Variants in CD81 observed in about 807,000 individuals in gnomAD.
CD81 encodes the protein CD81 molecule.
In CD81, 10 loss-of-function variants were observed where a neutral mutation model predicts 30.1. The ratio of observed to expected loss-of-function variants is 0.33; its 90% confidence interval spans 0.21 to 0.56. CD81 has a LOEUF of 0.56. CD81 is among the 20% of genes least tolerant of loss of function. CD81 has a pLI of 0.89. For missense variants in CD81, 263 were observed against 308.7 expected (o/e 0.85, Z 1.11); for synonymous variants, 147 against 126.4 (o/e 1.16, Z -1.10).
At chr11:2,382,647 TG>T (rs1051740557) in intron 1 of CD81, 4 of 152,248 alleles carry the variant, frequency 2.6e-5, no homozygotes, top group African/African-American at 9.7e-5. Context: ...GTGGGCAGCC[TG>T]GGGTCCTCAC....
intron 1 of CD81, among the ~76,000 whole-genome samples, chr11:2,382,888 T>C (rs1323913387): frequency 6.6e-6 from 1 of 150,840 alleles, no homozygotes; most frequent in East Asian, 1.9e-4. Flanking sequence ...TCCGAGGGGC[T>C]TAGAGTAGGG....
At chr11:2,392,542 G>A (rs1849917587) in intron 2 of CD81, 7 of 152,344 alleles carry the variant, frequency 4.6e-5, no homozygotes, top group Admixed American at 4.6e-4. Context: ...CCGTTGTGTT[G>A]GCCACACGAC....
chr11:2,394,255 G>C, intron 3 of CD81, 63 bp downstream of exon 3: 1 of 1,127,808 alleles, frequency 8.9e-7, no homozygotes, highest in Non-Finnish European at 1.3e-6. Context: ...GTCTGGCCCT[G>C]AGGAGGGGGC....
intron 1 of CD81, among the ~76,000 whole-genome samples, chr11:2,379,870 G>A (rs956221601): frequency 3.6e-4 from 55 of 152,168 alleles, no homozygotes; most frequent in African/African-American, 1.3e-3. Context: ...TGGGTGAGGT[G>A]GGGTTGGTGG....
In CD81 at chr11:2,394,186, G is replaced by A. The variant is rs372129042; in HGVS notation, c.273G>A (p.Leu91=). Residue 91 remains leucine, a synonymous_variant, in exon 3 of 8, where the codon CTG becomes CTA. Transcript: ENST00000263645. The stretch of plus-strand genomic sequence containing the variant: ...CCATCCAGGAATCCCAGTGCCTGCT[G>A]GGGACGGTAAGGCAGGGAGGCGGGC... The part of the protein sequence containing the change: ...YGAIQESQCL[L]GTFFTCLVIL... The A allele has an allele frequency of 4.4e-4, 705 of 1,609,126 alleles. 2 individuals carry two copies. The highest frequency in any genetic ancestry group is 5.6e-4 in the Non-Finnish European group (655 of 1,176,996).
At chr11:2,376,570 T>G (rs943007624), upstream of CD81, among the ~76,000 whole-genome samples, 3 of 152,176 alleles carry the variant, frequency 2.0e-5, no homozygotes, top group Non-Finnish European at 1.5e-5. Flanking sequence ...GAGGCTGGCA[T>G]CCCTGGGGCA....
chr11:2,396,552 C>T (rs1391165644), intron 6 of CD81, 76 bp from the exon 7 acceptor site: 16 of 1,242,920 alleles, frequency 1.3e-5, no homozygotes, highest in South Asian at 3.6e-5. Context: ...GTGGTGACCA[C>T]GGATTACTGC....
At position 2,395,887 on chromosome 11, in the gene CD81, A is replaced by G; in HGVS notation, c.478A>G (p.Ser160Gly). Residue 160 changes from serine (S) to glycine (G), a missense_variant, in exon 6 of 8, where the codon AGC becomes GGC. Coordinates refer to ENST00000263645, the MANE Select transcript of CD81 (RefSeq NM_004356.4). ...FHETLDCCGS[S>G]TLTALTTSVL... is the part of the protein sequence containing the mutation. ...TCTGCAGCTTGACTGCTGTGGCTCC[A>G]GCACACTGACTGCTTTGACCACCTC... 1.2e-6 allele frequency: 2 copies of G among 1,612,026 alleles called. No individual in the cohort carries two copies. The highest frequency in any genetic ancestry group is 1.3e-5 in the African/African-American group (1 of 75,010).
chr11:2,386,069 GTGGT>G lies in CD81; in HGVS notation c.67-4338_67-4335del, dbSNP rs1372935602. 12 of 717,414 alleles carry G rather than the reference GTGGT, an allele frequency of 1.7e-5. No homozygotes were observed. The East Asian group carries it at 3.2e-4, about 19-fold the overall frequency. 44.4% of individuals were successfully genotyped at this position (717,414 alleles called of 1,614,324 possible). A position where few individuals can be genotyped will look rare whatever the true frequency, so the allele number is the denominator to read the frequency against. The stretch of plus-strand genomic sequence containing the variant: ...GTTGCCTCCCCCAGCAGCATGTGGT[GTGGT>G]TGGTCTTTTTCGTGGCAGCCAGTCC... On this transcript the variant is annotated intron_variant, in intron 1 of 7. Coordinates refer to ENST00000263645, the MANE Select transcript of CD81 (RefSeq NM_004356.4).
chr11:2,384,495 G>T (rs906672274), intron 1 of CD81, among the ~76,000 whole-genome samples: 1 of 78,732 alleles, frequency 1.3e-5, no homozygotes, highest in Non-Finnish European at 2.5e-5. Flanking sequence ...GGGTAGGGCG[G>T]CTTGTGGGGT....
rs1057360011 is a variant in CD81 at position 2,390,625 on chromosome 11, G to A, written c.181+99G>A. The A allele has an allele frequency of 4.6e-5, 40 of 867,236 alleles. No homozygotes were observed. In the East Asian group the frequency reaches 7.4e-4, roughly 16 times the overall value. 53.7% of individuals were successfully genotyped at this position (867,236 alleles called of 1,614,324 possible). A position where few individuals can be genotyped will look rare whatever the true frequency, so the allele number is the denominator to read the frequency against. On this transcript the variant is annotated intron_variant, in intron 2 of 7. Transcript: ENST00000263645. Reference sequence around the variant, plus strand: ...GGGACATGGAGGGTGAAAGACAGTCGGGCATGGCGTGTCCGGGCAGGGAGG... The same window carrying A: ...GGGACATGGAGGGTGAAAGACAGTCAGGCATGGCGTGTCCGGGCAGGGAGG...
In CD81 at chr11:2,378,971, A is replaced by G. The variant is rs1220115604; in HGVS notation, c.66+1356A>G. ...GGGGCAGTCACATCCCACCTTCCCC[A>G]AGCCGGGCTGTTCTGCACAGCCTGC... On this transcript the variant is annotated intron_variant, in intron 1 of 7. Coordinates refer to ENST00000263645, the MANE Select transcript of CD81 (RefSeq NM_004356.4). This position sits in a 1 kb window ranked among gnomAD's most constrained non-coding sequence, Gnocchi z 4.9. Among the ~76,000 whole-genome samples the G allele has an allele frequency of 1.3e-5, 2 of 152,218 alleles. No individual in the cohort carries two copies. Among genetic ancestry groups the G allele is most frequent in the Non-Finnish European group, 2.9e-5 (2 of 68,036 alleles).
chr11:2,397,024 TC>T lies in CD81; in HGVS notation c.*160del, dbSNP rs1419842955. ...GGGGTTTTGTTTTTGTTCTGAACTTTCCTGTTACCTTTTCAGGGCTGACGTC... is the reference window on the plus strand; with the variant it reads ...GGGGTTTTGTTTTTGTTCTGAACTTTCTGTTACCTTTTCAGGGCTGACGTC... On this transcript the variant is annotated 3_prime_UTR_variant, in exon 8 of 8. Coordinates refer to ENST00000263645, the MANE Select transcript of CD81 (RefSeq NM_004356.4). The T allele has an allele frequency of 2.7e-6, 2 of 730,546 alleles. No homozygotes were observed. Among genetic ancestry groups the T allele is most frequent in the African/African-American group, 3.5e-5 (2 of 57,212 alleles). The allele number at this position is 730,546 out of a possible 1,614,324, so 45.3% of individuals were successfully genotyped here. A position where few individuals can be genotyped will look rare whatever the true frequency, so the allele number is the denominator to read the frequency against.
At chr11:2,381,269 G>A (rs1246376927) in intron 1 of CD81, among the ~76,000 whole-genome samples, 3 of 152,264 alleles carry the variant, frequency 2.0e-5, no homozygotes, top group African/African-American at 7.2e-5. Context: ...CAAAAGCAGG[G>A]AGGTATGGGC....
intron 1 of CD81, among the ~76,000 whole-genome samples, chr11:2,389,159 A>G (rs1849850801): frequency 6.6e-6 from 1 of 152,122 alleles, no homozygotes; most frequent in Middle Eastern, 3.2e-3. Flanking sequence ...TCATGCCTGA[A>G]GCAGGAAGAA....
rs956710783 is a variant in CD81 at position 2,377,709 on chromosome 11, A to C, written c.66+94A>C. 19 of 764,288 alleles carry C rather than the reference A, an allele frequency of 2.5e-5. No individual in the cohort carries two copies. The highest frequency in any genetic ancestry group is 3.8e-4 in the Middle Eastern group (1 of 2,632). The allele number at this position is 764,288 out of a possible 1,614,324, so 47.3% of individuals were successfully genotyped here. A position where few individuals can be genotyped will look rare whatever the true frequency, so the allele number is the denominator to read the frequency against. ...GCAGCGTGCTAGGCCCCGCGGGCGC[A>C]GCGCGGGCCGCGAAGTTGTGGGGCC... On this transcript the variant is annotated intron_variant, in intron 1 of 7. Transcript: ENST00000263645. The surrounding 1 kb of genome is among the most constrained non-coding windows in gnomAD (Gnocchi z 7.7).
At chr11:2,395,555 C>A in intron 5 of CD81, 35 bp downstream of exon 5, 3 of 1,522,180 alleles carry the variant, frequency 2.0e-6, no homozygotes, top group Non-Finnish European at 2.7e-6. Flanking sequence ...GGGAGCAGGG[C>A]CCCGGGAACC....
intron 1 of CD81, among the ~76,000 whole-genome samples, chr11:2,380,659 C>T (rs1380285614): frequency 6.6e-6 from 1 of 152,164 alleles, no homozygotes; most frequent in Non-Finnish European, 1.5e-5. Context: ...TCGGAGCCTC[C>T]ATCAGAGGCG....
intron 1 of CD81, chr11:2,386,010 G>A (rs1403625841): frequency 4.2e-6 from 3 of 713,716 alleles, no homozygotes; most frequent in Non-Finnish European, 7.9e-6. Flanking sequence ...CAAGGTGGCT[G>A]GACCGTTTTA....
Sources: allele counts gnomAD v4.1 joint callset (sites outside exome capture counted in the v4.1 genomes callset), GRCh38; gene constraint gnomAD v4.1.1; non-coding constraint Gnocchi (gnomAD v3.1); transcripts MANE v1.5; gene names NCBI Gene and HGNC (gene_info 2026-07-23, HGNC 2026-07-21).